STARD8: variants seen among roughly 807,000 people sequenced by gnomAD.
The protein encoded by STARD8 is stAR-related lipid transfer protein 8.
STARD8 carries 25 observed loss-of-function variants against 69.4 expected under a neutral mutation model. The observed-to-expected ratio is 0.36, with a 90% confidence interval of 0.26 to 0.50. STARD8 has a LOEUF of 0.50. Ranked by LOEUF, STARD8 falls within the 20% of genes least tolerant of loss-of-function variation. The pLI, the probability that STARD8 is intolerant of heterozygous loss-of-function variation, is 0.96. For synonymous variants in STARD8, 389 were observed against 374.6 expected, an observed-to-expected ratio of 1.04 and a Z score of -0.45; for missense variants, 921 against 932.5, an observed-to-expected ratio of 0.99 and a Z score of 0.16.
At chrX:68,703,809 G>T (rs2079984629) in intron 2 of STARD8, among the ~76,000 whole-genome samples, 1 of 111,469 alleles carries the variant, frequency 9.0e-6, no homozygotes, top group Non-Finnish European at 1.9e-5. Flanking sequence ...AGTGAACGTG[G>T]GTGCCCTCCC....
intron 2 of STARD8, among the ~76,000 whole-genome samples, chrX:68,668,312 T>C (rs867331916): frequency 3.1e-4 from 30 of 96,916 alleles, no homozygotes; most frequent in African/African-American, 1.3e-3. Flanking sequence ...TCTTTTTTTC[T>C]TTCCTTCCTT....
Position 68,717,593 on chromosome X carries a change from G to A in STARD8, c.679G>A (p.Ala227Thr), listed in dbSNP as rs1009092041. The change falls in exon 6 of 15, where the codon GCA (alanine) becomes ACA (threonine). Residue 227 changes from alanine (A) to threonine (T), a missense_variant. Coordinates refer to ENST00000374599, the MANE Select transcript of STARD8 (RefSeq NM_001142503.3). ...RRKEKSGSQQ[A>T]EPKHSPATSE... The stretch of plus-strand genomic sequence containing the variant: ...GAAGGAAAAGAGTGGCAGCCAGCAA[G>A]CAGAGCCCAAGCATAGTCCAGCCAC... 9 of 1,210,346 alleles carry A rather than the reference G, an allele frequency of 7.4e-6. No homozygotes were observed. Among genetic ancestry groups the A allele is most frequent in the Non-Finnish European group, 1.0e-5 (9 of 895,359 alleles).
At chrX:68,674,600 CCATT>C (rs1223520067) in intron 2 of STARD8, among the ~76,000 whole-genome samples, 1 of 111,135 alleles carries the variant, frequency 9.0e-6, no homozygotes, top group Non-Finnish European at 1.9e-5. Flanking sequence ...ATCCATCCAT[CCATT>C]CATCTATCTA....
At chrX:68,688,631 C>A (rs765029016) in intron 2 of STARD8, among the ~76,000 whole-genome samples, 1,281 of 112,090 alleles carry the variant, frequency 0.011, 19 homozygotes, top group African/African-American at 0.04. Flanking sequence ...AGGTAGGATC[C>A]TGAGGGCTGT....
intron 2 of STARD8, chrX:68,693,606 A>G (rs1373676371): frequency 1.3e-6 from 1 of 748,577 alleles, no homozygotes; most frequent in Middle Eastern, 7.5e-4. Flanking sequence ...GGGCGTCCCT[A>G]CAGCCCTACT....
chrX:68,673,294 C>T (rs1232178841), intron 2 of STARD8, among the ~76,000 whole-genome samples: 1 of 112,389 alleles, frequency 8.9e-6, no homozygotes, highest in Non-Finnish European at 1.9e-5. Context: ...TTACACAATG[C>T]ACAAACAGCA....
At chrX:68,680,603 G>A (rs758116084) in intron 2 of STARD8, among the ~76,000 whole-genome samples, 1 of 112,331 alleles carries the variant, frequency 8.9e-6, no homozygotes, top group East Asian at 2.8e-4. Flanking sequence ...CAGAGCCCTG[G>A]AATCCTGAGC....
At chrX:68,684,195 T>A (rs1294925098) in intron 2 of STARD8, among the ~76,000 whole-genome samples, 1 of 112,605 alleles carries the variant, frequency 8.9e-6, no homozygotes, top group African/African-American at 3.2e-5. Context: ...GGAGGTTCAG[T>A]AAGGTGCCCC....
intron 2 of STARD8, among the ~76,000 whole-genome samples, chrX:68,674,972 T>TC (rs2074245649): frequency 9.5e-6 from 1 of 105,117 alleles, no homozygotes; most frequent in African/African-American, 3.5e-5. Flanking sequence ...TTTTTTTTTT[T>TC]TGAGATGGAG....
At position 68,724,629 on chromosome X, in the gene STARD8, C is replaced by T; in HGVS notation, c.*207C>T. 1 of 398,069 alleles carries T rather than the reference C, an allele frequency of 2.5e-6. No homozygotes were observed. Among genetic ancestry groups the T allele is most frequent in the Non-Finnish European group, 4.4e-6 (1 of 229,173 alleles). 32.8% of individuals were successfully genotyped at this position (398,069 alleles called of 1,213,427 possible). Reference sequence around the variant, plus strand: ...GAGAATTTAGGCAACTCCACTCCCCCTTCACCCCCAACCCTGTATTCTACT... The same window carrying T: ...GAGAATTTAGGCAACTCCACTCCCCTTTCACCCCCAACCCTGTATTCTACT... On this transcript the variant is annotated 3_prime_UTR_variant, in exon 15 of 15. Coordinates refer to ENST00000374599, the MANE Select transcript of STARD8 (RefSeq NM_001142503.3).
intron 2 of STARD8, among the ~76,000 whole-genome samples, chrX:68,672,722 C>A (rs761752716): frequency 4.5e-5 from 5 of 110,406 alleles, no homozygotes; most frequent in East Asian, 2.8e-4. Context: ...CGCCCCACCC[C>A]CCATGGCAGG....
At chrX:68,709,779 C>T (rs772188140) in intron 2 of STARD8, among the ~76,000 whole-genome samples, 1 of 109,726 alleles carries the variant, frequency 9.1e-6, no homozygotes, top group Non-Finnish European at 1.9e-5. Flanking sequence ...GCTGTGATAG[C>T]GCCACTGCAC....
chrX:68,709,909 A>T, intron 2 of STARD8, among the ~76,000 whole-genome samples: 1 of 112,254 alleles, frequency 8.9e-6, no homozygotes, highest in Non-Finnish European at 1.9e-5. Flanking sequence ...TTTACCAAGA[A>T]GGAAACAGAA....
chrX:68,693,204 A>G (rs1437195878), intron 2 of STARD8, among the ~76,000 whole-genome samples: 2 of 112,697 alleles, frequency 1.8e-5, no homozygotes, highest in Non-Finnish European at 3.7e-5. Context: ...CAACGTAGGG[A>G]TGGCAGCTTC....
rs1378868492 is a variant in STARD8 at position 68,713,294 on chromosome X, T to C, written c.151+309T>C. Among the ~76,000 whole-genome samples the C allele has an allele frequency of 4.4e-5, 5 of 112,785 alleles. No individual in the cohort carries two copies. In the East Asian group the frequency reaches 1.1e-3, roughly 25 times the overall value. On this transcript the variant is annotated intron_variant, in intron 3 of 14. Coordinates refer to ENST00000374599, the MANE Select transcript of STARD8 (RefSeq NM_001142503.3). Reference sequence around the variant, plus strand: ...ATGTAGGTACACACGGTGTGAAGAATGCCGCCTGGAGTTGTACACCCTGGT... The same window carrying C: ...ATGTAGGTACACACGGTGTGAAGAACGCCGCCTGGAGTTGTACACCCTGGT...
At chrX:68,674,187 G>A (rs1421121306) in intron 2 of STARD8, among the ~76,000 whole-genome samples, 2 of 109,055 alleles carry the variant, frequency 1.8e-5, no homozygotes, top group South Asian at 4.1e-4. Context: ...CCAGCTACTC[G>A]GGAGGCTGAG....
chrX:68,681,393 T>C (rs751285018), intron 2 of STARD8, among the ~76,000 whole-genome samples: 1 of 112,080 alleles, frequency 8.9e-6, no homozygotes, highest in African/African-American at 3.2e-5. Context: ...ATTTTCTAGG[T>C]GAAGAAACTG....
rs912783551 is a variant in STARD8 at position 68,649,629 on chromosome X, G to A, written c.45+1702G>A. Among the ~76,000 whole-genome samples the A allele has an allele frequency of 6.3e-5, 7 of 111,554 alleles. 1 individual carries two copies. Among genetic ancestry groups the A allele is most frequent in the Admixed American group, 5.8e-4 (6 of 10,429 alleles). On this transcript the variant is annotated intron_variant, in intron 1 of 14. Transcript: ENST00000374599. ...GATCTTTCTCCTACAAAATATGAGTGAGAAATTTTTTAAATGTCTGCCCTC... is the reference window on the plus strand; with the variant it reads ...GATCTTTCTCCTACAAAATATGAGTAAGAAATTTTTTAAATGTCTGCCCTC...
chrX:68,658,622 C>T lies in STARD8; in HGVS notation c.46-6877C>T, dbSNP rs771989413. On this transcript the variant is annotated intron_variant, in intron 1 of 14. Coordinates refer to ENST00000374599, the MANE Select transcript of STARD8 (RefSeq NM_001142503.3). Reference sequence around the variant, plus strand: ...AGAGCCGACACTGGAGCTTGGTCTTCCCAGCAGCCTCTAGGGCCTGAGAAC... The same window carrying T: ...AGAGCCGACACTGGAGCTTGGTCTTTCCAGCAGCCTCTAGGGCCTGAGAAC... Among the ~76,000 whole-genome samples, 16 of 112,831 alleles carry T rather than the reference C, an allele frequency of 1.4e-4. No homozygotes were observed. In the South Asian group the frequency reaches 2.9e-3, roughly 20 times the overall value.
Sources: allele counts gnomAD v4.1 joint callset (sites outside exome capture counted in the v4.1 genomes callset), GRCh38; gene constraint gnomAD v4.1.1; transcripts MANE v1.5; gene names NCBI Gene and HGNC (gene_info 2026-07-23, HGNC 2026-07-21).